TBCD: variants seen among roughly 807,000 people sequenced by gnomAD.
The protein encoded by TBCD is tubulin-specific chaperone D.
Under a neutral mutation model 169.3 loss-of-function variants are expected in TBCD, and 105 were observed. The observed-to-expected ratio is 0.62, with a 90% CI of 0.53 to 0.73. The LOEUF (loss-of-function observed/expected upper bound fraction) is 0.73, where lower values mean the gene tolerates loss of function less well. Among genes scored for constraint, TBCD ranks in the 30% least tolerant of loss-of-function variants. The pLI, the probability that TBCD is intolerant of heterozygous loss-of-function variation, is 0.00. For missense variants in TBCD, 1,444 were observed against 1,600.1 expected (o/e 0.90, Z 1.66); for synonymous variants, 700 against 643.9 (o/e 1.09, Z -1.32).
intron 20 of TBCD, 95 bp downstream of exon 20, chr17:82,906,148 C>G: frequency 1.0e-6 from 1 of 984,096 alleles, no homozygotes. Context: ...TCTCTCATCC[C>G]TTCTCATTTT....
chr17:82,834,136 C>T (rs140139869), intron 13 of TBCD, among the ~76,000 whole-genome samples: 2,500 of 152,144 alleles, frequency 0.016, 83 homozygotes, highest in African/African-American at 0.057. Context: ...TTAGTAGAGA[C>T]GGGGTTTTGC....
At chr17:82,926,942 G>A (rs1490632657) in intron 28 of TBCD, 4 of 574,754 alleles carry the variant, frequency 7.0e-6, no homozygotes, top group Non-Finnish European at 1.2e-5. Flanking sequence ...GGAAGTGGGA[G>A]GGACCAGCCG....
At chr17:82,860,996 T>C (rs1022367097) in intron 13 of TBCD, among the ~76,000 whole-genome samples, 6 of 152,212 alleles carry the variant, frequency 3.9e-5, no homozygotes, top group Admixed American at 3.3e-4. Flanking sequence ...TGCACGTGAA[T>C]GCTTTATGGC....
intron 21 of TBCD, 62 bp from the exon 22 acceptor site, chr17:82,909,223 T>TA: frequency 7.8e-7 from 1 of 1,282,140 alleles, no homozygotes; most frequent in African/African-American, 1.5e-5. Flanking sequence ...TGACAGTTGT[T>TA]AACGTATACG....
At chr17:82,756,372 A>G (rs1264299951) in intron 2 of TBCD, among the ~76,000 whole-genome samples, 157 bp downstream of exon 2, 1 of 152,096 alleles carries the variant, frequency 6.6e-6, no homozygotes, top group Non-Finnish European at 1.5e-5. Flanking sequence ...CCGACCTGTG[A>G]TAGTGGCTTG....
Position 82,907,786 on chromosome 17 carries a change from C to A in TBCD, c.1948C>A (p.Gln650Lys). ...GCCCGTCACGGACCATCTGGACGAG[C>A]AGGCAGTGCAGGGCCTGAAGCAGAT... ...NRPVTDHLDE[Q>K]AVQGLKQIHQ... The change falls in exon 21 of 39, where the codon CAG becomes AAG. Residue 650 changes from glutamine to lysine, a missense_variant. Coordinates refer to ENST00000355528, the MANE Select transcript of TBCD (RefSeq NM_005993.5). 1 of 1,613,720 alleles carries A rather than the reference C, an allele frequency of 6.2e-7. No individual in the cohort carries two copies. Among genetic ancestry groups the A allele is most frequent in the Non-Finnish European group, 8.5e-7 (1 of 1,179,784 alleles).
chr17:82,883,861 C>G lies in TBCD; in HGVS notation c.1476-284C>G, dbSNP rs2146248057. ...GCCAGGTGCGTTCTGCCCCCAGGCC[C>G]TGTCCTCGTGGCTCTTTGATCCTGT... On this transcript the variant is annotated intron_variant, in intron 14 of 38. Coordinates refer to ENST00000355528, the MANE Select transcript of TBCD (RefSeq NM_005993.5). 2.0e-5 allele frequency among the ~76,000 whole-genome samples: 3 copies of G among 152,366 alleles called. No individual in the cohort carries two copies. In the Middle Eastern group the frequency reaches 0.01, roughly 518 times the overall value.
intron 14 of TBCD, among the ~76,000 whole-genome samples, chr17:82,872,207 C>T (rs902875557): frequency 5.3e-5 from 8 of 152,246 alleles, no homozygotes; most frequent in Non-Finnish European, 1.2e-4. Flanking sequence ...GCTGTGAACA[C>T]GCACGTCCCT....
Position 82,930,878 on chromosome 17 carries a change from A to G in TBCD, c.3113+235A>G, listed in dbSNP as rs2062143335. 6.6e-6 allele frequency among the ~76,000 whole-genome samples: 1 copy of G among 152,202 alleles called. No individual in the cohort carries two copies. The highest frequency in any genetic ancestry group is 1.5e-5 in the Non-Finnish European group (1 of 68,036). On this transcript the variant is annotated intron_variant, in intron 33 of 38. Coordinates refer to ENST00000355528, the MANE Select transcript of TBCD (RefSeq NM_005993.5). This position sits in a 1 kb window ranked among gnomAD's most constrained non-coding sequence, Gnocchi z 5.2. ...TTCTAGCCTCCACATGAGGCAGGGA[A>G]ATGACCGTTGTGTGTACAATGGACG...
At chr17:82,907,900 C>G in intron 21 of TBCD, 79 bp downstream of exon 21, 1 of 1,458,960 alleles carries the variant, frequency 6.9e-7, no homozygotes, top group Non-Finnish European at 9.4e-7. Flanking sequence ...CCTCCCCAGG[C>G]AGGGTCTGCA....
At chr17:82,776,841 G>T (rs538348528) in intron 6 of TBCD, among the ~76,000 whole-genome samples, 1 of 152,184 alleles carries the variant, frequency 6.6e-6, no homozygotes, top group Admixed American at 6.5e-5. Flanking sequence ...GCAGCCCCAG[G>T]AACACCCCAC....
At chr17:82,877,658 G>A (rs1009504090) in intron 14 of TBCD, among the ~76,000 whole-genome samples, 1 of 152,120 alleles carries the variant, frequency 6.6e-6, no homozygotes, top group East Asian at 1.9e-4. Context: ...ATAACTTTTA[G>A]TTATTAGAAG....
chr17:82,929,536 G>C, intron 32 of TBCD, 36 bp downstream of exon 32: 1 of 1,599,570 alleles, frequency 6.3e-7, no homozygotes, highest in South Asian at 1.1e-5. Flanking sequence ...GCAGGAGGTG[G>C]CTCCAGGAGT....
chr17:82,927,415 T>C (rs1311035653), intron 29 of TBCD, 92 bp downstream of exon 29: 1 of 1,473,624 alleles, frequency 6.8e-7, no homozygotes. Flanking sequence ...CAGGGAGAAA[T>C]CTTTGTAGAT....
chr17:82,936,605 C>T (rs889155772), intron 34 of TBCD, among the ~76,000 whole-genome samples: 3 of 152,212 alleles, frequency 2.0e-5, no homozygotes, highest in Non-Finnish European at 2.9e-5. Context: ...CTTTTCTGGG[C>T]ACCTGAGGAG....
chr17:82,759,963 T>C (rs1289820469), intron 2 of TBCD, among the ~76,000 whole-genome samples: 1 of 151,230 alleles, frequency 6.6e-6, no homozygotes, highest in Non-Finnish European at 1.5e-5. Context: ...CTTGGCTTAC[T>C]GCAACCTCCG....
intron 35 of TBCD, chr17:82,937,780 G>C: frequency 8.2e-7 from 1 of 1,221,236 alleles, no homozygotes; most frequent in Non-Finnish European, 1.1e-6. Flanking sequence ...CTTGAGGTGG[G>C]GGTCCTCATG....
intron 18 of TBCD, among the ~76,000 whole-genome samples, chr17:82,902,720 A>G (rs951606655): frequency 6.6e-6 from 1 of 152,198 alleles, no homozygotes; most frequent in African/African-American, 2.4e-5. Context: ...CGCCTTCTGC[A>G]TGTTTTCACC....
chr17:82,773,590 G>T (rs1005245911), intron 6 of TBCD, among the ~76,000 whole-genome samples: 1 of 149,372 alleles, frequency 6.7e-6, no homozygotes, highest in Non-Finnish European at 1.5e-5. Context: ...GTCTCCCCGC[G>T]GGGCGGCACC....
Sources: gnomAD v4.1 joint callset for allele counts (sites outside exome capture counted in the v4.1 genomes callset) on GRCh38, gnomAD v4.1.1 for gene constraint, Gnocchi (gnomAD v3.1) non-coding constraint, MANE v1.5 for transcripts, NCBI Gene and HGNC (gene_info 2026-07-23, HGNC 2026-07-21) for gene names.